The following BMPR1B variants were observed in gnomAD, a reference collection of about 807,000 sequenced individuals.
BMPR1B encodes the protein bone morphogenetic protein receptor type 1B, also known as bone morphogenetic protein receptor type-1B.
In BMPR1B, 12 loss-of-function variants were observed where a neutral mutation model predicts 59.1. That is an observed-to-expected ratio of 0.20 (90% CI 0.13 to 0.33). The LOEUF is 0.33. Ranked by LOEUF, BMPR1B falls within the 10% of genes least tolerant of loss-of-function variation. The pLI is 1.00. For missense variants in BMPR1B, 550 were observed against 610.9 expected (o/e 0.90, Z 1.05); for synonymous variants, 237 against 207.3 (o/e 1.14, Z -1.23).
chr4:94,834,885 T>C (rs1724741193), intron 1 of BMPR1B, among the ~76,000 whole-genome samples: 1 of 151,786 alleles, frequency 6.6e-6, no homozygotes, highest in Non-Finnish European at 1.5e-5. Context: ...ACCAAATAGT[T>C]CTTAAGAATG....
chr4:95,006,229 C>T (rs1254399580), intron 3 of BMPR1B, among the ~76,000 whole-genome samples: 1 of 151,656 alleles, frequency 6.6e-6, no homozygotes, highest in African/African-American at 2.4e-5. Flanking sequence ...TGAGATTGCA[C>T]CATTGCACCA....
intron 1 of BMPR1B, among the ~76,000 whole-genome samples, chr4:94,778,909 T>C (rs1327643358): frequency 6.6e-6 from 1 of 152,130 alleles, no homozygotes; most frequent in African/African-American, 2.4e-5. Context: ...GGATTTTTTT[T>C]TGTTTATTAT....
rs6822205 is a variant in BMPR1B at position 95,055,703 on chromosome 4, C to T, written c.-17-48705C>T. ...CTCATTAGATTGGATAGTAATTTCA[C>T]GTAATTGCCAAGTACAGACTGAAAT... On this transcript the variant is annotated intron_variant, in intron 3 of 12. Transcript: ENST00000515059. Among the ~76,000 whole-genome samples the T allele has an allele frequency of 3.7e-3, 556 of 152,252 alleles. 5 individuals are homozygous for T. Among genetic ancestry groups the T allele is most frequent in the African/African-American group, 0.013 (538 of 41,562 alleles).
At chr4:94,935,863 G>A (rs1446258748) in intron 2 of BMPR1B, among the ~76,000 whole-genome samples, 1 of 152,156 alleles carries the variant, frequency 6.6e-6, no homozygotes, top group African/African-American at 2.4e-5. Flanking sequence ...TATGATTTCA[G>A]GGGAAAATGC....
At chr4:95,066,039 G>T (rs1445538121) in intron 3 of BMPR1B, among the ~76,000 whole-genome samples, 1 of 152,064 alleles carries the variant, frequency 6.6e-6, no homozygotes, top group African/African-American at 2.4e-5. Flanking sequence ...TACCTTCTTG[G>T]GACAGCTGCT....
At chr4:94,766,074 A>G (rs1200041114) in intron 1 of BMPR1B, among the ~76,000 whole-genome samples, 1 of 152,230 alleles carries the variant, frequency 6.6e-6, no homozygotes, top group Non-Finnish European at 1.5e-5. Context: ...TGATAGGTAC[A>G]TAGTAAACAC....
At chr4:94,886,767 C>A (rs1727185158) in intron 2 of BMPR1B, among the ~76,000 whole-genome samples, 1 of 152,176 alleles carries the variant, frequency 6.6e-6, no homozygotes, top group South Asian at 2.1e-4. Flanking sequence ...TGCCCCTTTC[C>A]TGTCATGCTG....
At chr4:94,994,240 A>C (rs1055206376) in intron 2 of BMPR1B, among the ~76,000 whole-genome samples, 1 of 152,104 alleles carries the variant, frequency 6.6e-6, no homozygotes, top group Non-Finnish European at 1.5e-5. Flanking sequence ...TATTCCTTCT[A>C]GTTGGTTTTG....
At chr4:95,045,972 A>G (rs1295384173) in intron 3 of BMPR1B, among the ~76,000 whole-genome samples, 3 of 152,234 alleles carry the variant, frequency 2.0e-5, no homozygotes, top group African/African-American at 2.4e-5. Flanking sequence ...GGTAGTCTCA[A>G]TTTAAAATTC....
chr4:95,044,186 G>A (rs1189777018), intron 3 of BMPR1B, among the ~76,000 whole-genome samples: 2 of 152,134 alleles, frequency 1.3e-5, no homozygotes, highest in Non-Finnish European at 2.9e-5. Context: ...ATTTGTATGC[G>A]AATTGTTTTT....
intron 3 of BMPR1B, among the ~76,000 whole-genome samples, chr4:95,074,698 T>C (rs138975421): frequency 4.9e-4 from 74 of 152,182 alleles, no homozygotes; most frequent in African/African-American, 1.5e-3. Context: ...AATGAAAAAT[T>C]GCTAAAGTAA....
intron 3 of BMPR1B, among the ~76,000 whole-genome samples, chr4:95,094,609 G>A (rs571294245): frequency 1.6e-4 from 24 of 152,216 alleles, no homozygotes; most frequent in African/African-American, 5.5e-4. Context: ...CCACCCCACT[G>A]CAACCAGTGA....
At chr4:94,841,075 G>A (rs1725045504) in intron 1 of BMPR1B, among the ~76,000 whole-genome samples, 1 of 148,086 alleles carries the variant, frequency 6.8e-6, no homozygotes. Flanking sequence ...TAGGCTGTTC[G>A]GGTGTCAGGG....
intron 2 of BMPR1B, among the ~76,000 whole-genome samples, chr4:94,881,394 A>C (rs1210273548): frequency 6.6e-6 from 1 of 152,044 alleles, no homozygotes; most frequent in African/African-American, 2.4e-5. Flanking sequence ...AAGTTACTGC[A>C]TAGGTGATCT....
chr4:94,877,903 C>T (rs947271293), intron 2 of BMPR1B, among the ~76,000 whole-genome samples: 1 of 152,088 alleles, frequency 6.6e-6, no homozygotes, highest in Non-Finnish European at 1.5e-5. Context: ...GTAAATTACA[C>T]CACTTCAATA....
intron 3 of BMPR1B, among the ~76,000 whole-genome samples, chr4:95,042,845 T>A (rs1725752242): frequency 6.6e-6 from 1 of 152,208 alleles, no homozygotes; most frequent in South Asian, 2.1e-4. Context: ...ATAGTCATAT[T>A]TTCCAGGTGA....
intron 2 of BMPR1B, among the ~76,000 whole-genome samples, chr4:94,934,056 T>A (rs1367899350): frequency 6.6e-6 from 1 of 152,156 alleles, no homozygotes; most frequent in Non-Finnish European, 1.5e-5. Context: ...CAATAACTGA[T>A]AGTCTCTTTC....
At chr4:94,824,819 T>C (rs1025559629) in intron 1 of BMPR1B, among the ~76,000 whole-genome samples, 19 of 152,292 alleles carry the variant, frequency 1.2e-4, no homozygotes, top group Admixed American at 3.3e-4. Flanking sequence ...AAAAATGTAA[T>C]GAAAGTTATA....
intron 1 of BMPR1B, among the ~76,000 whole-genome samples, chr4:94,842,770 T>C (rs1456736904): frequency 6.6e-6 from 1 of 152,194 alleles, no homozygotes; most frequent in African/African-American, 2.4e-5. Context: ...ACCCCAGGTT[T>C]CCTCTGTGAT....
Sources: gnomAD v4.1 joint callset for allele counts (sites outside exome capture counted in the v4.1 genomes callset) on GRCh38, gnomAD v4.1.1 for gene constraint, MANE v1.5 for transcripts, NCBI Gene and HGNC (gene_info 2026-07-23, HGNC 2026-07-21) for gene names.